The following DOCK2 variants were observed in gnomAD, a reference collection of about 807,000 sequenced individuals.
DOCK2 encodes the protein dedicator of cytokinesis 2.
A neutral mutation model predicts 248.9 loss-of-function variants in DOCK2; 87 were observed. The observed-to-expected ratio is 0.35, with a 90% CI of 0.29 to 0.42. The LOEUF is 0.42. Ranked by LOEUF, DOCK2 falls within the 10% of genes least tolerant of loss-of-function variation. The pLI, the probability that DOCK2 is intolerant of heterozygous loss-of-function variation, is 1.00. For missense variants in DOCK2, 1,747 were observed against 2,300.2 expected (o/e 0.76, Z 4.92); for synonymous variants, 805 against 821.6 (o/e 0.98, Z 0.35).
At chr5:169,908,462 G>A (rs997878782) in intron 27 of DOCK2, among the ~76,000 whole-genome samples, 1 of 152,044 alleles carries the variant, frequency 6.6e-6, no homozygotes, top group Non-Finnish European at 1.5e-5. Flanking sequence ...TCTGAATATG[G>A]CCCCCAAGTT....
chr5:169,823,966 A>C (rs188280404), intron 26 of DOCK2, among the ~76,000 whole-genome samples: 2 of 152,364 alleles, frequency 1.3e-5, no homozygotes, highest in East Asian at 3.9e-4. Flanking sequence ...AAGCATTCTT[A>C]TACTCCAATA....
chr5:169,961,042 A>G (rs771168829), intron 27 of DOCK2, among the ~76,000 whole-genome samples: 10 of 152,222 alleles, frequency 6.6e-5, no homozygotes, highest in Non-Finnish European at 5.9e-5. Context: ...TGTAACTATC[A>G]TGGTAAACAC....
chr5:169,665,902 G>T (rs1188697642), intron 2 of DOCK2, among the ~76,000 whole-genome samples: 1 of 152,128 alleles, frequency 6.6e-6, no homozygotes, highest in East Asian at 1.9e-4. Flanking sequence ...AGATGTATTT[G>T]ATATTGGTAT....
At chr5:169,750,258 A>G (rs1763827654) in intron 23 of DOCK2, among the ~76,000 whole-genome samples, 1 of 152,220 alleles carries the variant, frequency 6.6e-6, no homozygotes, top group South Asian at 2.1e-4. Context: ...GGCTACACAT[A>G]TATTTGGGGA....
At chr5:169,792,438 A>G (rs1262925760) in intron 25 of DOCK2, among the ~76,000 whole-genome samples, 1 of 129,296 alleles carries the variant, frequency 7.7e-6, no homozygotes, top group Non-Finnish European at 1.6e-5. Context: ...ATATGTGTAC[A>G]TATATTTTAT....
chr5:169,651,628 C>T (rs1281755699), intron 1 of DOCK2, among the ~76,000 whole-genome samples: 3 of 152,186 alleles, frequency 2.0e-5, no homozygotes, highest in Non-Finnish European at 4.4e-5. Flanking sequence ...CTGCCAAGTC[C>T]TCAGGCAGAC....
chr5:169,793,042 T>C (rs1766446047), intron 25 of DOCK2, among the ~76,000 whole-genome samples: 1 of 152,200 alleles, frequency 6.6e-6, no homozygotes, highest in African/African-American at 2.4e-5. Context: ...GAAGGCGTGA[T>C]GATAGGCTAT....
intron 5 of DOCK2, 67 bp from the exon 6 acceptor site, chr5:169,674,230 C>T (rs1581012583): frequency 6.3e-7 from 1 of 1,575,584 alleles, no homozygotes; most frequent in Non-Finnish European, 8.6e-7. Context: ...GACTTTGGCA[C>T]AGCCTGCCAA....
chr5:169,812,608 G>C (rs1305373987), intron 26 of DOCK2, among the ~76,000 whole-genome samples: 1 of 152,144 alleles, frequency 6.6e-6, no homozygotes, highest in Non-Finnish European at 1.5e-5. Context: ...GTATGATGAG[G>C]ATACTCTTTT....
chr5:169,705,182 C>T, intron 14 of DOCK2, among the ~76,000 whole-genome samples: 1 of 152,002 alleles, frequency 6.6e-6, no homozygotes, highest in Non-Finnish European at 1.5e-5. Context: ...ACAAAACACG[C>T]CATAGGTATA....
intron 27 of DOCK2, among the ~76,000 whole-genome samples, chr5:169,896,815 G>A (rs1217913189): frequency 6.6e-6 from 1 of 152,052 alleles, no homozygotes. Context: ...ATGTAGAAGA[G>A]GATAAATGTT....
intron 14 of DOCK2, among the ~76,000 whole-genome samples, chr5:169,707,850 C>T (rs1761361304): frequency 6.6e-6 from 1 of 152,242 alleles, no homozygotes; most frequent in South Asian, 2.1e-4. Flanking sequence ...ATTAATAAGA[C>T]TGGCAGTGTG....
intron 25 of DOCK2, among the ~76,000 whole-genome samples, chr5:169,776,637 G>A (rs1765400614): frequency 6.6e-6 from 1 of 152,112 alleles, no homozygotes; most frequent in Non-Finnish European, 1.5e-5. Flanking sequence ...GACCAAATCT[G>A]ACCTTGAATT....
At chr5:169,684,049 C>A in intron 7 of DOCK2, 147 bp from the exon 8 acceptor site, 1 of 850,870 alleles carries the variant, frequency 1.2e-6, no homozygotes, top group Non-Finnish European at 1.8e-6. Context: ...CGAATTGATT[C>A]AGGTTACAGA....
chr5:170,069,043 C>A, intron 45 of DOCK2, 94 bp from the exon 46 acceptor site: 1 of 1,096,174 alleles, frequency 9.1e-7, no homozygotes, highest in Non-Finnish European at 1.4e-6. Context: ...TCATCCTTGC[C>A]CCTTTCAAAT....
intron 27 of DOCK2, among the ~76,000 whole-genome samples, chr5:169,893,124 C>T (rs1005771682): frequency 1.3e-5 from 2 of 152,146 alleles, no homozygotes; most frequent in African/African-American, 4.8e-5. Flanking sequence ...TTTGGCTATT[C>T]TATGTCAAGG....
intron 25 of DOCK2, among the ~76,000 whole-genome samples, chr5:169,795,744 C>A (rs987579906): frequency 2.6e-5 from 4 of 152,276 alleles, no homozygotes; most frequent in Admixed American, 2.6e-4. Context: ...TCAACATCTG[C>A]AAATGCTCGC....
At chr5:170,062,809 C>T (rs1457091129) in intron 44 of DOCK2, among the ~76,000 whole-genome samples, 1 of 152,080 alleles carries the variant, frequency 6.6e-6, no homozygotes. Flanking sequence ...AAAATGGAAT[C>T]CCCTGCTTCT....
At chr5:169,693,931 C>A (rs1423392802) in intron 9 of DOCK2, among the ~76,000 whole-genome samples, 2 of 152,206 alleles carry the variant, frequency 1.3e-5, no homozygotes, top group Non-Finnish European at 2.9e-5. Flanking sequence ...AACGTCATCT[C>A]CTTTACTTAG....
Sources: allele counts gnomAD v4.1 joint callset (sites outside exome capture counted in the v4.1 genomes callset), GRCh38; gene constraint gnomAD v4.1.1; transcripts MANE v1.5; gene names NCBI Gene and HGNC (gene_info 2026-07-23, HGNC 2026-07-21).